The following C8orf89 variants were observed in gnomAD, a reference collection of about 807,000 sequenced individuals.
C8orf89 encodes the protein putative uncharacterized protein C8orf89.
Under a neutral mutation model 15.8 loss-of-function variants are expected in C8orf89, and 14 were observed. The observed-to-expected ratio is 0.89, with a 90% CI of 0.59 to 1.39. The LOEUF (loss-of-function observed/expected upper bound fraction) is 1.39, where lower values mean the gene tolerates loss of function less well. C8orf89 is among the 40% of genes most tolerant of loss of function. C8orf89 has a pLI of 0.00. For synonymous variants in C8orf89, 55 were observed against 62.2 expected (o/e 0.88, Z 0.54); for missense variants, 181 against 184.5 (o/e 0.98, Z 0.11).
At chr8:73,268,012 G>C in the C8orf89 span, among the ~76,000 whole-genome samples, 1 of 152,134 alleles carries the variant, frequency 6.6e-6, no homozygotes, top group Non-Finnish European at 1.5e-5. Context: ...CTGATTTAGA[G>C]GAATAGAAGA....
the C8orf89 span, among the ~76,000 whole-genome samples, chr8:73,270,261 G>T: frequency 6.6e-6 from 1 of 152,146 alleles, no homozygotes; most frequent in South Asian, 2.1e-4. Context: ...TAAGCAAGGA[G>T]ATAAGTGAAA....
intron 3 of C8orf89, among the ~76,000 whole-genome samples, chr8:73,249,612 A>G (rs184280048): frequency 1.1e-3 from 168 of 152,306 alleles, no homozygotes; most frequent in African/African-American, 4.0e-3. Flanking sequence ...TTTTAATGAA[A>G]TAATTGTTGC....
At chr8:73,255,342 T>C (rs1469795843) in intron 2 of C8orf89, among the ~76,000 whole-genome samples, 2 of 152,094 alleles carry the variant, frequency 1.3e-5, no homozygotes, top group Admixed American at 6.5e-5. Context: ...AGAAGACATT[T>C]ATGCAGCCAA....
At chr8:73,272,156 T>C in the C8orf89 span, among the ~76,000 whole-genome samples, 9,307 of 152,202 alleles carry the variant, frequency 0.061, 345 homozygotes, top group East Asian at 0.16. Flanking sequence ...ATCTCCACCT[T>C]TTCCCCCTTT....
chr8:73,256,819 A>ATAGCT (rs1270951421), intron 2 of C8orf89, among the ~76,000 whole-genome samples, 154 bp downstream of exon 2: 2 of 151,384 alleles, frequency 1.3e-5, no homozygotes, highest in Non-Finnish European at 2.9e-5. Context: ...ACTGAATAAA[A>ATAGCT]TAGCTTAGAT....
intron 3 of C8orf89, among the ~76,000 whole-genome samples, chr8:73,248,996 T>A (rs1344747011): frequency 1.3e-5 from 2 of 151,470 alleles, no homozygotes; most frequent in African/African-American, 4.8e-5. Context: ...GGGTGGTGAG[T>A]GTCTTGTGCT....
At chr8:73,263,358 C>T (rs990944106), upstream of C8orf89, among the ~76,000 whole-genome samples, 11 of 151,854 alleles carry the variant, frequency 7.2e-5, no homozygotes, top group Non-Finnish European at 1.3e-4. Flanking sequence ...ACTAAAAATA[C>T]AAAAAAATTA....
intron 2 of C8orf89, 30 bp from the exon 3 acceptor site, chr8:73,250,353 T>C: frequency 7.5e-7 from 1 of 1,335,330 alleles, no homozygotes; most frequent in Non-Finnish European, 1.0e-6. Flanking sequence ...ATAAAATTAC[T>C]TACATATAAA....
chr8:73,285,736 C>T, the C8orf89 span, among the ~76,000 whole-genome samples: 4 of 152,318 alleles, frequency 2.6e-5, no homozygotes, highest in Admixed American at 2.0e-4. Flanking sequence ...TGGGAGCCAG[C>T]GGCAGCCCGG....
At chr8:73,268,665 A>G in the C8orf89 span, among the ~76,000 whole-genome samples, 1 of 152,194 alleles carries the variant, frequency 6.6e-6, no homozygotes, top group Non-Finnish European at 1.5e-5. Context: ...TTTTCAAAAG[A>G]ACTCTCATCT....
In C8orf89 at chr8:73,259,376, C is replaced by T. The variant is rs1813476913; in HGVS notation, c.83G>A (p.Ser28Asn). ...TTCTAAAACTGCTTTCTTCCAACTA[C>T]TCTCAAAAATCAAACAACTGCCAAA... ...SSFGSCLIFE[S>N]SWKKAVLETQ... The change falls in exon 1 of 4, where the codon AGT (serine) becomes AAT (asparagine). Residue 28 changes from serine to asparagine, a missense_variant. Transcript: ENST00000624510. 1.3e-6 allele frequency: 2 copies of T among 1,526,850 alleles called. No individual in the cohort carries two copies. Among genetic ancestry groups the T allele is most frequent in the African/African-American group, 2.7e-5 (2 of 72,866 alleles). 94.6% of individuals were successfully genotyped at this position (1,526,850 alleles called of 1,614,324 possible).
upstream of C8orf89, among the ~76,000 whole-genome samples, chr8:73,262,552 C>T (rs1813547859): frequency 6.6e-6 from 1 of 151,966 alleles, no homozygotes; most frequent in Admixed American, 6.6e-5. Flanking sequence ...CATAATGGCT[C>T]ACACATGTAA....
At chr8:73,277,751 TAGGG>T in the C8orf89 span, 1 of 744,282 alleles carries the variant, frequency 1.3e-6, no homozygotes, top group South Asian at 1.3e-5. Context: ...ACATGGGTTT[TAGGG>T]AGGACAGATC....
intron 1 of C8orf89, among the ~76,000 whole-genome samples, chr8:73,259,124 C>T (rs1813472129): frequency 6.6e-6 from 1 of 151,980 alleles, no homozygotes; most frequent in African/African-American, 2.4e-5. Context: ...AGAAATACAG[C>T]TCTTTAAAAT....
upstream of C8orf89, among the ~76,000 whole-genome samples, chr8:73,263,837 A>G (rs1214012103): frequency 1.3e-5 from 2 of 152,234 alleles, no homozygotes; most frequent in Non-Finnish European, 2.9e-5. Context: ...GTTAAGTTCT[A>G]TAAAGTCACT....
At chr8:73,261,746 A>G (rs1003888903), upstream of C8orf89, among the ~76,000 whole-genome samples, 7 of 152,266 alleles carry the variant, frequency 4.6e-5, no homozygotes, top group African/African-American at 1.7e-4. Context: ...ACAGGTGAAG[A>G]GCATTAGGAA....
the C8orf89 span, among the ~76,000 whole-genome samples, chr8:73,282,534 T>C: frequency 6.6e-6 from 1 of 152,166 alleles, no homozygotes; most frequent in South Asian, 2.1e-4. Flanking sequence ...GGGGTTCAGA[T>C]AAAGGCAGTG....
the C8orf89 span, among the ~76,000 whole-genome samples, chr8:73,282,671 G>A: frequency 6.6e-6 from 1 of 152,186 alleles, no homozygotes; most frequent in African/African-American, 2.4e-5. Flanking sequence ...TCTGAACAGA[G>A]GTATGGTTTC....
At chr8:73,260,652 T>C (rs1336253551), upstream of C8orf89, among the ~76,000 whole-genome samples, 1 of 152,002 alleles carries the variant, frequency 6.6e-6, no homozygotes, top group Non-Finnish European at 1.5e-5. Flanking sequence ...GCCTTGGGCA[T>C]TAGGGAAGCA....
Sources: allele counts gnomAD v4.1 joint callset (sites outside exome capture counted in the v4.1 genomes callset), GRCh38; gene constraint gnomAD v4.1.1; transcripts MANE v1.5; gene names NCBI Gene and HGNC (gene_info 2026-07-23, HGNC 2026-07-21).